The following C12orf56 variants were observed in gnomAD, a reference collection of about 807,000 sequenced individuals.
C12orf56 encodes the protein uncharacterized protein C12orf56.
C12orf56 carries 71 observed loss-of-function variants against 69.9 expected under a neutral mutation model. The observed-to-expected ratio is 1.02, with a 90% CI of 0.84 to 1.24. The LOEUF (loss-of-function observed/expected upper bound fraction) is 1.24. Ranked by LOEUF, C12orf56 falls within the 50% of genes most tolerant of loss-of-function variation. The pLI is 0.00. For missense variants in C12orf56, 732 were observed against 738.5 expected (o/e 0.99, Z 0.10); for synonymous variants, 276 against 274.1 (o/e 1.01, Z -0.07).
intron 1 of C12orf56, among the ~76,000 whole-genome samples, chr12:64,387,297 A>T (rs1354471638): frequency 2.0e-5 from 3 of 152,170 alleles, no homozygotes; most frequent in Non-Finnish European, 4.4e-5. Context: ...CGCAACTTCC[A>T]AAGTTGAACT....
intron 1 of C12orf56, among the ~76,000 whole-genome samples, chr12:64,364,519 A>G (rs1324817642): frequency 1.3e-5 from 2 of 151,876 alleles, no homozygotes; most frequent in African/African-American, 2.4e-5. Flanking sequence ...TGCCTATGGG[A>G]CTAATGGAAC....
intron 1 of C12orf56, among the ~76,000 whole-genome samples, chr12:64,388,771 C>T (rs1158489771): frequency 1.3e-5 from 2 of 152,098 alleles, no homozygotes; most frequent in East Asian, 1.9e-4. Flanking sequence ...GTGGGAGGAT[C>T]GCTTGAGCCC....
At chr12:64,327,168 C>A (rs527896223) in intron 3 of C12orf56, among the ~76,000 whole-genome samples, 1 of 149,810 alleles carries the variant, frequency 6.7e-6, no homozygotes, top group South Asian at 2.1e-4. Flanking sequence ...GCCTTCTCAG[C>A]CTCCATAACT....
chr12:64,274,995 A>C lies in C12orf56; in HGVS notation c.1510-20T>G, dbSNP rs1565733888. On this transcript the variant is annotated intron_variant, in intron 10 of 12. Coordinates refer to ENST00000543942, the MANE Select transcript of C12orf56 (RefSeq NM_001170633.2). ...ATTTCCCTAAAAGACTCAAGGAAAT[A>C]AACAAGTTATATTCATAAAGTTCAA... is the stretch of plus-strand genomic sequence containing the variant. 2 of 1,574,272 alleles carry C rather than the reference A, an allele frequency of 1.3e-6. No individual in the cohort carries two copies. The highest frequency in any genetic ancestry group is 1.7e-6 in the Non-Finnish European group (2 of 1,144,316).
At chr12:64,284,616 T>C in intron 8 of C12orf56, 48 bp downstream of exon 8, 1 of 1,353,988 alleles carries the variant, frequency 7.4e-7, no homozygotes, top group Admixed American at 2.3e-5. Flanking sequence ...ATAAGAATAG[T>C]TAATGGGTTG....
chr12:64,287,287 A>AGAAGAAGAG (rs2038220598), intron 6 of C12orf56, among the ~76,000 whole-genome samples: 1 of 149,646 alleles, frequency 6.7e-6, no homozygotes, highest in African/African-American at 2.5e-5. Flanking sequence ...AAGAAGAAGA[A>AGAAGAAGAG]GAAGAAGTGC....
intron 1 of C12orf56, among the ~76,000 whole-genome samples, chr12:64,360,421 T>G (rs1369391452): frequency 6.6e-6 from 1 of 151,866 alleles, no homozygotes. Context: ...CAAGACTCCA[T>G]CTCAAAAAAT....
At chr12:64,366,999 TA>T (rs2039497515) in intron 1 of C12orf56, among the ~76,000 whole-genome samples, 2 of 78,034 alleles carry the variant, frequency 2.6e-5, no homozygotes, top group Non-Finnish European at 4.4e-5. Flanking sequence ...ACATACACTT[TA>T]TATATTATAT....
chr12:64,270,764 G>T, intron 11 of C12orf56, 50 bp from the exon 12 acceptor site: 1 of 1,476,152 alleles, frequency 6.8e-7, no homozygotes, highest in Admixed American at 2.2e-5. Context: ...ACCCACAAAA[G>T]CAACTATTTC....
chr12:64,298,211 G>A (rs1309150720), intron 6 of C12orf56, among the ~76,000 whole-genome samples: 2 of 152,018 alleles, frequency 1.3e-5, no homozygotes, highest in Non-Finnish European at 2.9e-5. Context: ...CATATCCTTT[G>A]CCCACTTTTT....
At chr12:64,330,068 T>C (rs1484844285) in intron 3 of C12orf56, among the ~76,000 whole-genome samples, 1 of 152,078 alleles carries the variant, frequency 6.6e-6, no homozygotes, top group Non-Finnish European at 1.5e-5. Context: ...GGTCAAATGG[T>C]ATTTCCAGTT....
At chr12:64,360,349 C>T (rs575858647) in intron 1 of C12orf56, among the ~76,000 whole-genome samples, 13 of 152,128 alleles carry the variant, frequency 8.5e-5, no homozygotes, top group East Asian at 5.8e-4. Context: ...CGCTTGAACC[C>T]GGGAGGTGGA....
Position 64,297,551 on chromosome 12 carries a change from A to G in C12orf56, c.1113+6084T>C, listed in dbSNP as rs1329602395. Among the ~76,000 whole-genome samples, 6 of 152,166 alleles carry G rather than the reference A, an allele frequency of 3.9e-5. No individual in the cohort carries two copies. The East Asian group carries it at 1.2e-3, about 29-fold the overall frequency. ...CTCCCCTATTCCCCCGTCCGCCGAC[A>G]GGCCCCAATGTGTGATGTTCCCCTC... On this transcript the variant is annotated intron_variant, in intron 6 of 12. Coordinates refer to ENST00000543942, the MANE Select transcript of C12orf56 (RefSeq NM_001170633.2).
At chr12:64,353,927 T>C (rs10878153) in intron 1 of C12orf56, among the ~76,000 whole-genome samples, 83,341 of 152,058 alleles carry the variant, frequency 0.55, 24,995 homozygotes, top group Non-Finnish European at 0.67. Context: ...GTGATCCACC[T>C]GCCTCGGCCT....
chr12:64,271,150 G>A (rs2037985007), intron 11 of C12orf56, among the ~76,000 whole-genome samples: 1 of 147,694 alleles, frequency 6.8e-6, no homozygotes, highest in African/African-American at 2.5e-5. Context: ...GGGCAACAGA[G>A]CAAGATTCCA....
At chr12:64,315,362 C>T (rs4763157) in intron 4 of C12orf56, among the ~76,000 whole-genome samples, 38,980 of 147,958 alleles carry the variant, frequency 0.26, 5,575 homozygotes, top group Middle Eastern at 0.37. Flanking sequence ...TTTACATTTT[C>T]CTTAAATCCA....
At chr12:64,380,627 G>A (rs1403092880) in intron 1 of C12orf56, among the ~76,000 whole-genome samples, 4 of 152,186 alleles carry the variant, frequency 2.6e-5, no homozygotes, top group Non-Finnish European at 2.9e-5. Context: ...GTGTGATGGG[G>A]GAATGGTACT....
At position 64,277,711 on chromosome 12, in the gene C12orf56, G is replaced by A; in HGVS notation, c.1403C>T (p.Ser468Leu). The change falls in exon 9 of 13, where the codon TCA becomes TTA. Residue 468 changes from serine (S) to leucine (L), a missense_variant. By Grantham distance (145) the Ser-to-Leu change is moderately radical. Transcript: ENST00000543942. ...GTCAAAAGACATTCTGACTAAAGCT[G>A]AATCAGCCACCAACTGGATATCAAA... The part of the protein sequence containing the change: ...PVFDIQLVAD[S>L]ALVRMSFDAE... The A allele has an allele frequency of 6.3e-7, 1 of 1,594,560 alleles. No homozygotes were observed. Among genetic ancestry groups the A allele is most frequent in the South Asian group, 1.1e-5 (1 of 86,992 alleles).
chr12:64,342,705 G>A (rs2039090794), intron 2 of C12orf56, among the ~76,000 whole-genome samples: 1 of 152,212 alleles, frequency 6.6e-6, no homozygotes, highest in African/African-American at 2.4e-5. Context: ...CAGGTCACAT[G>A]GTGACTTGGT....
Sources: allele counts gnomAD v4.1 joint callset (sites outside exome capture counted in the v4.1 genomes callset), GRCh38; gene constraint gnomAD v4.1.1; transcripts MANE v1.5; gene names NCBI Gene and HGNC (gene_info 2026-07-23, HGNC 2026-07-21).